ANKIB1: variants seen among roughly 807,000 people sequenced by gnomAD.
The protein encoded by ANKIB1 is ankyrin repeat and IBR domain containing 1.
Under a neutral mutation model 122.1 loss-of-function variants are expected in ANKIB1, and 43 were observed. The ratio of observed to expected loss-of-function variants is 0.35; its 90% CI spans 0.28 to 0.45. The LOEUF (loss-of-function observed/expected upper bound fraction) is 0.45, where lower values mean the gene tolerates loss of function less well. Among genes scored for constraint, ANKIB1 ranks in the 20% least tolerant of loss-of-function variants. The pLI is 1.00. For missense variants in ANKIB1, 992 were observed against 1,329.5 expected, an observed-to-expected ratio of 0.75 and a Z score of 3.95; for synonymous variants, 390 against 442.0, an observed-to-expected ratio of 0.88 and a Z score of 1.48.
rs1801639514 is a variant in ANKIB1 at position 92,264,932 on chromosome 7, G to A, written c.-91+18413G>A. ...AGAATAATGTGATAACAGGATTAAA[G>A]ACCAATATATAGGGTGTTCAAAGAA... On this transcript the variant is annotated intron_variant, in intron 1 of 19. Transcript: ENST00000265742. 2.6e-5 allele frequency among the ~76,000 whole-genome samples: 4 copies of A among 152,286 alleles called. No individual in the cohort carries two copies. The South Asian group carries it at 8.3e-4, about 32-fold the overall frequency.
Position 92,393,197 on chromosome 7 carries a change from A to T in ANKIB1, c.2283+905A>T, listed in dbSNP as rs530660224. Among the ~76,000 whole-genome samples, 4 of 152,170 alleles carry T rather than the reference A, an allele frequency of 2.6e-5. No homozygotes were observed. In the East Asian group the frequency reaches 7.7e-4, roughly 29 times the overall value. On this transcript the variant is annotated intron_variant, in intron 17 of 19. Coordinates refer to ENST00000265742, the MANE Select transcript of ANKIB1 (RefSeq NM_019004.2). ...CATGACTGTGGCTTATTTAAATCAG[A>T]TACTTTCTCTTTTCAGCTGCTGAAG...
chr7:92,339,064 CTG>C, intron 5 of ANKIB1, among the ~76,000 whole-genome samples: 1 of 92,984 alleles, frequency 1.1e-5, no homozygotes, highest in East Asian at 3.9e-4. Context: ...TTTTTTGAGA[CTG>C]AGTCTTGCTC....
chr7:92,340,592 CAG>C (rs1803416852), intron 5 of ANKIB1, among the ~76,000 whole-genome samples: 1 of 150,708 alleles, frequency 6.6e-6, no homozygotes, highest in Non-Finnish European at 1.5e-5. Context: ...AATCTAAGGA[CAG>C]AGAAAAACCT....
intron 11 of ANKIB1, among the ~76,000 whole-genome samples, chr7:92,382,205 T>A (rs1255971043): frequency 6.6e-6 from 1 of 152,112 alleles, no homozygotes; most frequent in East Asian, 1.9e-4. Flanking sequence ...TAAATATATA[T>A]GCACCCAATA....
chr7:92,352,655 C>T lies in ANKIB1; in HGVS notation c.1397+13C>T. 6.3e-7 allele frequency: 1 copy of T among 1,592,004 alleles called. No individual in the cohort carries two copies. The highest frequency in any genetic ancestry group is 8.5e-7 in the Non-Finnish European group (1 of 1,173,466). On this transcript the variant is annotated intron_variant, in intron 9 of 19. Coordinates refer to ENST00000265742, the MANE Select transcript of ANKIB1 (RefSeq NM_019004.2). The stretch of plus-strand genomic sequence containing the variant: ...ACCTCTTCTGCTGGTTAGTATAAGA[C>T]AAGTTGGAATCAGCCTAATCACCTT...
chr7:92,307,547 C>A lies in ANKIB1; in HGVS notation c.377C>A (p.Ala126Glu). 1 of 1,613,612 alleles carries A rather than the reference C, an allele frequency of 6.2e-7. No homozygotes were observed. Among genetic ancestry groups the A allele is most frequent in the Non-Finnish European group, 8.5e-7 (1 of 1,179,860 alleles). The change falls in exon 3 of 20, where the codon GCA becomes GAA. Residue 126 changes from alanine to glutamate, a missense_variant. Physicochemically the swap from Ala to Glu is moderately radical, Grantham distance 107 (BLOSUM62 -1). This residue lies in a region of ANKIB1 where 521 missense variants were observed against 777.7 expected (regional missense o/e 0.67). Coordinates refer to ENST00000265742, the MANE Select transcript of ANKIB1 (RefSeq NM_019004.2). ...CLQMILKWKG[A>E]KLDQGEYERA... ...CAGATGATCTTAAAATGGAAAGGAGCAAAACTTGACCAGGGTGAATATGAG... is the reference window on the plus strand; with the variant it reads ...CAGATGATCTTAAAATGGAAAGGAGAAAAACTTGACCAGGGTGAATATGAG...
chr7:92,289,730 G>A (rs1163851334), intron 1 of ANKIB1, among the ~76,000 whole-genome samples: 1 of 152,218 alleles, frequency 6.6e-6, no homozygotes, highest in Non-Finnish European at 1.5e-5. Context: ...TTGACTGGGG[G>A]AATGAACAGG....
chr7:92,360,929 A>G lies in ANKIB1; in HGVS notation c.1398-1256A>G, dbSNP rs574125706. Among the ~76,000 whole-genome samples the G allele has an allele frequency of 5.3e-5, 8 of 152,024 alleles. No homozygotes were observed. In the East Asian group the frequency reaches 1.4e-3, roughly 26 times the overall value. On this transcript the variant is annotated intron_variant, in intron 9 of 19. Transcript: ENST00000265742. ...GCCTAGGCTGGACTGCAGTGGCATGATGTCAGCTCACTGCAGCCTCCACCT... is the reference window on the plus strand; with the variant it reads ...GCCTAGGCTGGACTGCAGTGGCATGGTGTCAGCTCACTGCAGCCTCCACCT...
intron 1 of ANKIB1, among the ~76,000 whole-genome samples, chr7:92,277,196 C>G (rs1801922666): frequency 6.6e-6 from 1 of 152,178 alleles, no homozygotes; most frequent in South Asian, 2.1e-4. Flanking sequence ...CCAGTTTAAC[C>G]TCTTTTCTTT....
chr7:92,330,260 C>G (rs1040150773), intron 5 of ANKIB1, among the ~76,000 whole-genome samples: 4 of 152,050 alleles, frequency 2.6e-5, no homozygotes, highest in African/African-American at 9.7e-5. Flanking sequence ...TTATTTGCTT[C>G]TTTTCCTTTA....
intron 1 of ANKIB1, among the ~76,000 whole-genome samples, chr7:92,262,535 A>G (rs1321569761): frequency 6.6e-6 from 1 of 152,202 alleles, no homozygotes; most frequent in African/African-American, 2.4e-5. Flanking sequence ...AAATGGAGAA[A>G]TGTTCATGAG....
intron 3 of ANKIB1, among the ~76,000 whole-genome samples, chr7:92,311,717 G>GCCC (rs565443678): frequency 4.1e-5 from 6 of 146,650 alleles, no homozygotes; most frequent in African/African-American, 1.5e-4. Flanking sequence ...TGTAATAAGC[G>GCCC]CCCCCCCCAC....
At chr7:92,292,818 T>C (rs903138989) in intron 1 of ANKIB1, among the ~76,000 whole-genome samples, 2 of 152,342 alleles carry the variant, frequency 1.3e-5, no homozygotes, top group African/African-American at 4.8e-5. Context: ...AACACACACA[T>C]ACACCTTTAA....
intron 1 of ANKIB1, among the ~76,000 whole-genome samples, chr7:92,247,210 C>T (rs554366557): frequency 6.6e-6 from 1 of 152,326 alleles, no homozygotes; most frequent in South Asian, 2.1e-4. Context: ...AAGAGCTTTA[C>T]TGGTAGATCT....
At chr7:92,269,642 A>G (rs983108609) in intron 1 of ANKIB1, among the ~76,000 whole-genome samples, 1 of 152,160 alleles carries the variant, frequency 6.6e-6, no homozygotes, top group African/African-American at 2.4e-5. Context: ...ATGTAAGCCT[A>G]TGGTAACTTG....
Position 92,319,363 on chromosome 7 carries a change from G to A in ANKIB1, c.520G>A (p.Glu174Lys). Reference protein sequence around the residue: ...LVKHGGDLFAENENKDTPCDC... With the variant: ...LVKHGGDLFAKNENKDTPCDC... ...AAAACATGGAGGAGACTTGTTTGCT[G>A]AGAATGAAAATAAAGATACTCCTTG... The change falls in exon 4 of 20, where the codon GAG becomes AAG. Residue 174 changes from glutamate (E) to lysine (K), a missense_variant. Glu to Lys is a moderately conservative substitution (Grantham distance 56). Transcript: ENST00000265742. 1 of 1,602,728 alleles carries A rather than the reference G, an allele frequency of 6.2e-7. No individual in the cohort carries two copies. Among genetic ancestry groups the A allele is most frequent in the Non-Finnish European group, 8.5e-7 (1 of 1,176,234 alleles).
At chr7:92,248,888 C>CTTTTTTTTTT (rs778549860) in intron 1 of ANKIB1, among the ~76,000 whole-genome samples, 26 of 123,016 alleles carry the variant, frequency 2.1e-4, no homozygotes, top group Non-Finnish European at 3.2e-4. Flanking sequence ...TCTTTTCTTT[C>CTTTTTTTTTT]TTTTTTTTTT....
chr7:92,340,857 C>G (rs920425245), intron 5 of ANKIB1, among the ~76,000 whole-genome samples: 1 of 152,166 alleles, frequency 6.6e-6, no homozygotes, highest in Non-Finnish European at 1.5e-5. Context: ...AAATGGCCAA[C>G]AAACACATCA....
intron 10 of ANKIB1, among the ~76,000 whole-genome samples, chr7:92,366,102 C>T (rs760453512): frequency 1.3e-5 from 2 of 151,988 alleles, no homozygotes; most frequent in South Asian, 2.1e-4. Flanking sequence ...ATCTTGTGTG[C>T]CTGCTAGTTG....
Sources: gnomAD v4.1 joint callset for allele counts (sites outside exome capture counted in the v4.1 genomes callset) on GRCh38, gnomAD v4.1.1 for gene constraint, gnomAD v4.1.1 regional missense constraint, MANE v1.5 for transcripts, NCBI Gene and HGNC (gene_info 2026-07-23, HGNC 2026-07-21) for gene names.